The following CADPS variants were observed in gnomAD, a reference collection of about 807,000 sequenced individuals.
CADPS encodes calcium dependent secretion activator, also known as calcium-dependent secretion activator 1.
In CADPS, 57 loss-of-function variants were observed where a neutral mutation model predicts 167.3. That is an observed-to-expected ratio of 0.34 (90% CI 0.28 to 0.42). The LOEUF (loss-of-function observed/expected upper bound fraction) is 0.42. Ranked by LOEUF, CADPS falls within the 20% of genes least tolerant of loss-of-function variation. The pLI, the probability that CADPS is intolerant of heterozygous loss-of-function variation, is 1.00. For missense variants in CADPS, 1,414 were observed against 1,738.1 expected (o/e 0.81, Z 3.32); for synonymous variants, 676 against 635.3 (o/e 1.06, Z -0.96).
intron 8 of CADPS, among the ~76,000 whole-genome samples, chr3:62,574,245 C>A (rs1483026331): frequency 6.6e-6 from 1 of 152,146 alleles, no homozygotes; most frequent in African/African-American, 2.4e-5. Context: ...ATCAGATCGC[C>A]AGTATGCTGA....
intron 22 of CADPS, among the ~76,000 whole-genome samples, chr3:62,479,225 C>T (rs1036034414): frequency 6.6e-6 from 1 of 152,168 alleles, no homozygotes; most frequent in African/African-American, 2.4e-5. Context: ...TATACGATGA[C>T]GTCTAAGAAA....
At chr3:62,664,746 T>A (rs376914354) in intron 3 of CADPS, among the ~76,000 whole-genome samples, 49 of 152,306 alleles carry the variant, frequency 3.2e-4, no homozygotes, top group African/African-American at 1.2e-3. Context: ...CTCGTACAGG[T>A]TAAAACAGAA....
chr3:62,475,805 A>G (rs1418973097), intron 23 of CADPS, among the ~76,000 whole-genome samples: 1 of 152,148 alleles, frequency 6.6e-6, no homozygotes, highest in Non-Finnish European at 1.5e-5. Context: ...TGAGTTGGAC[A>G]GGTCCCTGTG....
intron 3 of CADPS, among the ~76,000 whole-genome samples, chr3:62,727,662 A>G (rs2076993317): frequency 6.6e-6 from 1 of 151,840 alleles, no homozygotes; most frequent in Admixed American, 6.6e-5. Flanking sequence ...TAATACTAAT[A>G]CAACACTAGA....
chr3:62,642,958 A>AAAACAAAACC (rs1554029603), intron 6 of CADPS, among the ~76,000 whole-genome samples: 18 of 144,434 alleles, frequency 1.2e-4, no homozygotes, highest in African/African-American at 4.3e-4. Context: ...AAAACAAAAC[A>AAAACAAAACC]AAACCCAAAC....
chr3:62,452,166 A>G (rs531684031), intron 26 of CADPS, among the ~76,000 whole-genome samples: 14 of 152,310 alleles, frequency 9.2e-5, no homozygotes, highest in African/African-American at 3.4e-4. Flanking sequence ...TAGGACAACT[A>G]AGAAAGTACC....
chr3:62,587,662 C>T (rs1476734661), intron 7 of CADPS, among the ~76,000 whole-genome samples: 1 of 152,202 alleles, frequency 6.6e-6, no homozygotes, highest in Non-Finnish European at 1.5e-5. Context: ...CATTAACAGG[C>T]CTTTCGCCAT....
In CADPS at chr3:62,458,253, G is replaced by T. The variant is rs2058934625; in HGVS notation, c.3636+7114C>A. Among the ~76,000 whole-genome samples the T allele has an allele frequency of 6.6e-6, 1 of 152,152 alleles. No homozygotes were observed. Among genetic ancestry groups the T allele is most frequent in the Non-Finnish European group, 1.5e-5 (1 of 68,036 alleles). ...ATTAGCCCAGTGGCTCTCTGAGGCA[G>T]CTATCAGCATTCCCACTGTATAGAT... On this transcript the variant is annotated intron_variant, in intron 26 of 29. Transcript: ENST00000383710. The surrounding 1 kb of genome is among the most constrained non-coding windows in gnomAD (Gnocchi z 4.6).
chr3:62,694,706 T>G (rs1431352856), intron 3 of CADPS, among the ~76,000 whole-genome samples: 2 of 152,200 alleles, frequency 1.3e-5, no homozygotes. Context: ...CACAGCAAAG[T>G]AAGTGCAGCA....
intron 1 of CADPS, 54 bp from the exon 2 acceptor site, chr3:62,766,038 A>T (rs1218117356): frequency 1.5e-6 from 2 of 1,304,492 alleles, no homozygotes; most frequent in Non-Finnish European, 2.2e-6. Context: ...GACAAGGATC[A>T]TGGATACTTT....
At chr3:62,505,668 T>C (rs892031024) in intron 17 of CADPS, among the ~76,000 whole-genome samples, 1 of 152,206 alleles carries the variant, frequency 6.6e-6, no homozygotes, top group Non-Finnish European at 1.5e-5. Context: ...CTTCCCTTCA[T>C]GACAAGGGTT....
chr3:62,541,461 C>T (rs1393174623), intron 11 of CADPS, among the ~76,000 whole-genome samples: 3 of 152,124 alleles, frequency 2.0e-5, no homozygotes, highest in African/African-American at 7.2e-5. Context: ...TTGGTACTGA[C>T]ATTAAGAAAT....
chr3:62,603,162 C>A (rs1268061752), intron 6 of CADPS, among the ~76,000 whole-genome samples: 3 of 152,152 alleles, frequency 2.0e-5, no homozygotes. Flanking sequence ...ATGCCCCTGG[C>A]TTCTAGCACA....
chr3:62,864,194 C>T (rs1051293491), intron 1 of CADPS, among the ~76,000 whole-genome samples: 3 of 152,198 alleles, frequency 2.0e-5, no homozygotes, highest in Non-Finnish European at 4.4e-5. Flanking sequence ...CTGACCTGCA[C>T]CTGTCTGTGG....
chr3:62,502,329 C>T (rs991207628), intron 17 of CADPS, among the ~76,000 whole-genome samples: 5 of 150,856 alleles, frequency 3.3e-5, no homozygotes, highest in African/African-American at 1.2e-4. Context: ...GGCCACTTAA[C>T]GCTGTCTTCA....
At chr3:62,747,084 A>C (rs947230883) in intron 3 of CADPS, among the ~76,000 whole-genome samples, 2 of 152,232 alleles carry the variant, frequency 1.3e-5, no homozygotes, top group African/African-American at 4.8e-5. Flanking sequence ...AAGAAAGTTT[A>C]GGCTGTATCC....
At chr3:62,773,845 ATAAGT>A (rs1289847952) in intron 1 of CADPS, among the ~76,000 whole-genome samples, 1 of 152,212 alleles carries the variant, frequency 6.6e-6, no homozygotes, top group African/African-American at 2.4e-5. Context: ...GCAGCTGAAT[ATAAGT>A]TAATTACTAC....
intron 3 of CADPS, among the ~76,000 whole-genome samples, chr3:62,669,331 T>A (rs886588302): frequency 6.6e-6 from 1 of 152,134 alleles, no homozygotes; most frequent in Admixed American, 6.5e-5. Flanking sequence ...TTATCCTCCT[T>A]CAGAGACAAG....
chr3:62,424,484 G>A (rs1207620324), intron 28 of CADPS, among the ~76,000 whole-genome samples: 1 of 152,106 alleles, frequency 6.6e-6, no homozygotes, highest in Non-Finnish European at 1.5e-5. Context: ...CGCCTGGCCT[G>A]ATAATTCACT....
Sources: allele counts gnomAD v4.1 joint callset (sites outside exome capture counted in the v4.1 genomes callset), GRCh38; gene constraint gnomAD v4.1.1; non-coding constraint Gnocchi (gnomAD v3.1); transcripts MANE v1.5; gene names NCBI Gene and HGNC (gene_info 2026-07-23, HGNC 2026-07-21).